ARK2C: variants seen among roughly 807,000 people sequenced by gnomAD.
ARK2C encodes the protein arkadia (RNF111) C-terminal like ring finger ubiquitin ligase 2C.
At chr18:46,354,786 G>T in the ARK2C span, among the ~76,000 whole-genome samples, 1 of 152,168 alleles carries the variant, frequency 6.6e-6, no homozygotes, top group Non-Finnish European at 1.5e-5. Context: ...GCCTTTTAGG[G>T]CTGCTGACAT....
chr18:46,377,653 T>C, the ARK2C span, among the ~76,000 whole-genome samples: 1 of 152,004 alleles, frequency 6.6e-6, no homozygotes, highest in Admixed American at 6.6e-5. Flanking sequence ...ATGAACCAAA[T>C]GTATGGGAGG....
At chr18:46,368,717 G>A in the ARK2C span, among the ~76,000 whole-genome samples, 7 of 152,230 alleles carry the variant, frequency 4.6e-5, no homozygotes, top group African/African-American at 9.6e-5. Flanking sequence ...AAAGTTTAGC[G>A]TAGTGGTCAG....
the ARK2C span, among the ~76,000 whole-genome samples, chr18:46,425,261 C>T: frequency 1.3e-5 from 2 of 152,208 alleles, no homozygotes; most frequent in Non-Finnish European, 2.9e-5. Flanking sequence ...CCATCCTACT[C>T]TCCCAGGATC....
At chr18:46,335,412 T>G in the ARK2C span, 2 of 152,248 alleles carry the variant, frequency 1.3e-5, no homozygotes, top group Admixed American at 1.3e-4. Context: ...TCATTTTCTT[T>G]TAATAAAAAA....
chr18:46,412,018 C>T, the ARK2C span, among the ~76,000 whole-genome samples: 1 of 152,208 alleles, frequency 6.6e-6, no homozygotes, highest in African/African-American at 2.4e-5. Context: ...TTGCAGCAGG[C>T]AGGGAGCAGA....
At chr18:46,374,696 C>T in the ARK2C span, among the ~76,000 whole-genome samples, 6 of 152,134 alleles carry the variant, frequency 3.9e-5, no homozygotes, top group Non-Finnish European at 7.3e-5. Flanking sequence ...CCCATCTTTT[C>T]CCCCTTCAAC....
At chr18:46,398,512 A>T in the ARK2C span, among the ~76,000 whole-genome samples, 1 of 152,166 alleles carries the variant, frequency 6.6e-6, no homozygotes, top group South Asian at 2.1e-4. Context: ...TGGCCAGCAA[A>T]TCTGGACAGT....
At chr18:46,440,122 C>G in the ARK2C span, among the ~76,000 whole-genome samples, 1 of 152,196 alleles carries the variant, frequency 6.6e-6, no homozygotes, top group Non-Finnish European at 1.5e-5. Flanking sequence ...GCCACCACGC[C>G]CAGATCTCAT....
chr18:46,427,321 G>A, the ARK2C span, among the ~76,000 whole-genome samples: 1 of 152,230 alleles, frequency 6.6e-6, no homozygotes, highest in Non-Finnish European at 1.5e-5. Flanking sequence ...TCTGCTGGAG[G>A]GCACAGGTTG....
chr18:46,428,155 A>T, the ARK2C span, among the ~76,000 whole-genome samples: 1 of 152,110 alleles, frequency 6.6e-6, no homozygotes, highest in Non-Finnish European at 1.5e-5. Context: ...TCACGTCTGT[A>T]ATCCCAGCAC....
At chr18:46,337,040 C>T in the ARK2C span, 1 of 985,386 alleles carries the variant, frequency 1.0e-6, no homozygotes, top group Non-Finnish European at 1.2e-6. Context: ...CGCCCTGGCC[C>T]TCAGAGCTGC....
chr18:46,365,645 A>C, the ARK2C span, among the ~76,000 whole-genome samples: 52 of 152,324 alleles, frequency 3.4e-4, no homozygotes, highest in South Asian at 1.2e-3. Flanking sequence ...CTAGGATTAC[A>C]GGCACATGCC....
chr18:46,383,027 G>A, the ARK2C span, among the ~76,000 whole-genome samples: 5 of 152,246 alleles, frequency 3.3e-5, no homozygotes, highest in Admixed American at 6.5e-5. Flanking sequence ...CCCCTAGCCT[G>A]CTGGGCCAGC....
the ARK2C span, among the ~76,000 whole-genome samples, chr18:46,408,324 C>T: frequency 6.6e-6 from 1 of 152,220 alleles, no homozygotes; most frequent in African/African-American, 2.4e-5. Context: ...TTAGCCTTGT[C>T]CTGTCATCTC....
the ARK2C span, among the ~76,000 whole-genome samples, chr18:46,375,278 C>CTGAGATG: frequency 6.6e-6 from 1 of 152,042 alleles, no homozygotes; most frequent in African/African-American, 2.4e-5. Flanking sequence ...CCTGGCCGGG[C>CTGAGATG]ACAGTGGCTC....
the ARK2C span, among the ~76,000 whole-genome samples, chr18:46,392,856 T>G: frequency 2.0e-5 from 3 of 152,136 alleles, no homozygotes; most frequent in Non-Finnish European, 4.4e-5. Context: ...AGTTGGACCC[T>G]TCAGTGAGAT....
At chr18:46,384,924 CA>C in the ARK2C span, among the ~76,000 whole-genome samples, 2 of 152,188 alleles carry the variant, frequency 1.3e-5, no homozygotes, top group African/African-American at 2.4e-5. Context: ...CTGGTAGATA[CA>C]GCCCAGAGCC....
the ARK2C span, among the ~76,000 whole-genome samples, chr18:46,426,793 G>A: frequency 6.6e-6 from 1 of 152,216 alleles, no homozygotes; most frequent in Non-Finnish European, 1.5e-5. Flanking sequence ...TTCAACTGAT[G>A]TCATTTTAGC....
chr18:46,409,203 A>G, the ARK2C span, among the ~76,000 whole-genome samples: 1 of 152,340 alleles, frequency 6.6e-6, no homozygotes, highest in Non-Finnish European at 1.5e-5. Context: ...AAGAAAGGAT[A>G]GTCTGCAAGT....
Sources: gnomAD v4.1 joint callset for allele counts (sites outside exome capture counted in the v4.1 genomes callset) on GRCh38, gnomAD v4.1.1 for gene constraint, MANE v1.5 for transcripts, NCBI Gene and HGNC (gene_info 2026-07-23, HGNC 2026-07-21) for gene names.